NRG2: variants seen among roughly 807,000 people sequenced by gnomAD.
The protein encoded by NRG2 is neuregulin 2, also known as pro-neuregulin-2, membrane-bound isoform.
Under a neutral mutation model 73.9 loss-of-function variants are expected in NRG2, and 27 were observed. The observed-to-expected ratio is 0.37, with a 90% CI of 0.27 to 0.50. NRG2 has a LOEUF of 0.50. Ranked by LOEUF, NRG2 falls within the 20% of genes least tolerant of loss-of-function variation. The probability of loss-of-function intolerance (pLI) is 0.96; values close to 1 mark genes in which losing one functional copy is unlikely to be tolerated. For synonymous variants in NRG2, 532 were observed against 541.0 expected, an observed-to-expected ratio of 0.98 and a Z score of 0.23; for missense variants, 1,126 against 1,210.1, an observed-to-expected ratio of 0.93 and a Z score of 1.03.
At chr5:139,940,355 C>G (rs1402810785) in intron 1 of NRG2, among the ~76,000 whole-genome samples, 1 of 152,178 alleles carries the variant, frequency 6.6e-6, no homozygotes, top group Non-Finnish European at 1.5e-5. Flanking sequence ...AGAATACATA[C>G]TATGTGATTC....
intron 2 of NRG2, among the ~76,000 whole-genome samples, chr5:139,883,857 G>A (rs182252251): frequency 6.6e-6 from 1 of 152,300 alleles, no homozygotes; most frequent in African/African-American, 2.4e-5. Context: ...CAGCAAATGG[G>A]GCAGGGCCCT....
Position 139,847,649 on chromosome 5 carries a change from T to G in NRG2, c.*268A>C. ...GTCAAAAAATTGGCCCATCTCTCTT[T>G]TTTTTTTGTTGTTTCTTTTTTTTTT... is the stretch of plus-strand genomic sequence containing the variant. On this transcript the variant is annotated 3_prime_UTR_variant, in exon 10 of 10. Coordinates refer to ENST00000361474, the MANE Select transcript of NRG2 (RefSeq NM_004883.3). 3.3e-6 allele frequency: 1 copy of G among 304,680 alleles called. No homozygotes were observed. 18.9% of individuals were successfully genotyped at this position (304,680 alleles called of 1,614,324 possible). A position where few individuals can be genotyped will look rare whatever the true frequency, so the allele number is the denominator to read the frequency against.
intron 3 of NRG2, among the ~76,000 whole-genome samples, chr5:139,872,918 T>C (rs1054414274): frequency 6.6e-6 from 1 of 152,106 alleles, no homozygotes; most frequent in Non-Finnish European, 1.5e-5. Flanking sequence ...TGAGGGCCTC[T>C]CGTTCCCACC....
chr5:139,903,953 A>G (rs962188749), intron 1 of NRG2, among the ~76,000 whole-genome samples: 2 of 152,318 alleles, frequency 1.3e-5, no homozygotes, highest in Admixed American at 1.3e-4. Flanking sequence ...GGCCGGGCCC[A>G]GCGTCTGATC....
At position 139,865,575 on chromosome 5, in the gene NRG2, C is replaced by T; in HGVS notation, c.1163G>A (p.Arg388Gln). The T allele has an allele frequency of 6.2e-7, 1 of 1,612,012 alleles. No homozygotes were observed. The highest frequency in any genetic ancestry group is 8.5e-7 in the Non-Finnish European group (1 of 1,179,488). Residue 388 changes from arginine to glutamine, a missense_variant, in exon 5 of 10, where the codon CGA (arginine) becomes CAA (glutamine). Around this residue, in one of 3 missense-constraint regions of NRG2, gnomAD observed 539 missense variants for 703.2 expected, o/e 0.77. Transcript: ENST00000361474. This position sits in a 1 kb window ranked among gnomAD's most constrained non-coding sequence, Gnocchi z 5.2. ...TTGCTTAGGATCTGGCATGTACAAT[C>T]GCAAAGGCAGTTTCTCCAAACATCT... ...GQRCLEKLPL[R>Q]LYMPDPKQKA...
At chr5:139,922,070 C>CAAAAAAA (rs35988908) in intron 1 of NRG2, among the ~76,000 whole-genome samples, 1 of 77,186 alleles carries the variant, frequency 1.3e-5, no homozygotes, top group Admixed American at 1.6e-4. Flanking sequence ...GATTCTGTCT[C>CAAAAAAA]AAAAAAAAAA....
rs2127201479 is a variant in NRG2 at position 139,913,871 on chromosome 5, G to A, written c.701-26360C>T. On this transcript the variant is annotated intron_variant, in intron 1 of 9. Coordinates refer to ENST00000361474, the MANE Select transcript of NRG2 (RefSeq NM_004883.3). Reference sequence around the variant, plus strand: ...GGAGGGATAGTTAAATGTAACCTGGGGTCAGGTGCAGTGGCTCAAGGCCAT... The same window carrying A: ...GGAGGGATAGTTAAATGTAACCTGGAGTCAGGTGCAGTGGCTCAAGGCCAT... Among the ~76,000 whole-genome samples, 2 of 152,328 alleles carry A rather than the reference G, an allele frequency of 1.3e-5. 1 individual carries two copies. Among genetic ancestry groups the A allele is most frequent in the Middle Eastern group, 6.8e-3 (2 of 294 alleles).
chr5:139,951,575 C>A (rs1754202849), intron 1 of NRG2, among the ~76,000 whole-genome samples: 1 of 142,882 alleles, frequency 7.0e-6, no homozygotes, highest in Admixed American at 6.7e-5. Context: ...GCCTGAGCTC[C>A]GTGGCTCCTC....
chr5:140,025,735 A>ATTTAAATG (rs1760634856), intron 1 of NRG2, among the ~76,000 whole-genome samples: 3 of 152,220 alleles, frequency 2.0e-5, no homozygotes, highest in Non-Finnish European at 4.4e-5. Flanking sequence ...TTTAATTCCA[A>ATTTAAATG]GATAAAATCC....
intron 1 of NRG2, among the ~76,000 whole-genome samples, chr5:139,988,749 A>G (rs1757360490): frequency 1.3e-5 from 2 of 152,004 alleles, no homozygotes; most frequent in Non-Finnish European, 2.9e-5. Flanking sequence ...TAGAATGTAC[A>G]CCACCAAGAG....
chr5:140,015,929 A>G (rs1431421082), intron 1 of NRG2, among the ~76,000 whole-genome samples: 1 of 152,220 alleles, frequency 6.6e-6, no homozygotes, highest in Admixed American at 6.5e-5. Context: ...TACTTCAACA[A>G]ACACATCCCT....
intron 1 of NRG2, among the ~76,000 whole-genome samples, chr5:139,907,724 G>T (rs1765324654): frequency 6.6e-6 from 1 of 152,196 alleles, no homozygotes; most frequent in Non-Finnish European, 1.5e-5. Context: ...GCTGAGGGAG[G>T]TTGGGCTTGA....
intron 1 of NRG2, among the ~76,000 whole-genome samples, chr5:139,985,798 C>T (rs1346653553): frequency 6.6e-6 from 1 of 152,138 alleles, no homozygotes; most frequent in Non-Finnish European, 1.5e-5. Context: ...CAGCTTACAC[C>T]TTTCGCTTCA....
intron 1 of NRG2, among the ~76,000 whole-genome samples, chr5:139,962,068 G>C (rs1561711596): frequency 6.6e-6 from 1 of 152,184 alleles, no homozygotes; most frequent in Non-Finnish European, 1.5e-5. Flanking sequence ...GTGGTCACCT[G>C]ATTGCCTCTT....
chr5:140,032,398 A>C (rs1761221521), intron 1 of NRG2, among the ~76,000 whole-genome samples: 1 of 152,226 alleles, frequency 6.6e-6, no homozygotes, highest in South Asian at 2.1e-4. Context: ...AAAATAAAGA[A>C]ACTATGGACT....
intron 3 of NRG2, among the ~76,000 whole-genome samples, chr5:139,873,275 C>T (rs1387987103): frequency 6.6e-6 from 1 of 152,218 alleles, no homozygotes; most frequent in Non-Finnish European, 1.5e-5. Context: ...TCGGCTCAAC[C>T]CCAGACCCAG....
intron 3 of NRG2, among the ~76,000 whole-genome samples, chr5:139,877,025 C>T (rs1581838577): frequency 1.3e-5 from 2 of 151,986 alleles, no homozygotes; most frequent in South Asian, 4.2e-4. Context: ...CTCTCCAGGG[C>T]TTCCATGGTC....
chr5:140,043,184 C>G lies in NRG2; in HGVS notation c.-115G>C. Reference sequence around the variant, plus strand: ...ACGTTAGCGCCTCTTAGCCCTCCACCGGCAGCCCGGGGAGGTGGCCCAGCT... The same window carrying G: ...ACGTTAGCGCCTCTTAGCCCTCCACGGGCAGCCCGGGGAGGTGGCCCAGCT... On this transcript the variant is annotated 5_prime_UTR_variant, in exon 1 of 10. Coordinates refer to ENST00000361474, the MANE Select transcript of NRG2 (RefSeq NM_004883.3). The surrounding 1 kb of genome is among the most constrained non-coding windows in gnomAD (Gnocchi z 6.7). 8.0e-7 allele frequency: 1 copy of G among 1,254,786 alleles called. No homozygotes were observed. The allele number at this position is 1,254,786 out of a possible 1,614,324, so 77.7% of individuals were successfully genotyped here.
chr5:140,023,682 C>T (rs1208428073), intron 1 of NRG2, among the ~76,000 whole-genome samples: 1 of 152,098 alleles, frequency 6.6e-6, no homozygotes, highest in Non-Finnish European at 1.5e-5. Flanking sequence ...TTGAACTTGC[C>T]TCTTACTTCC....
Sources: gnomAD v4.1 joint callset for allele counts (sites outside exome capture counted in the v4.1 genomes callset) on GRCh38, gnomAD v4.1.1 for gene constraint, gnomAD v4.1.1 regional missense constraint, Gnocchi (gnomAD v3.1) non-coding constraint, MANE v1.5 for transcripts, NCBI Gene and HGNC (gene_info 2026-07-23, HGNC 2026-07-21) for gene names.